The following POGZ variants were observed in gnomAD, a reference collection of about 807,000 sequenced individuals.
The protein encoded by POGZ is pogo transposable element with ZNF domain.
In POGZ, 17 loss-of-function variants were observed where a neutral mutation model predicts 134.6. The observed-to-expected ratio is 0.13, with a 90% CI of 0.09 to 0.19. POGZ has a LOEUF of 0.19. Among genes scored for constraint, POGZ ranks in the 10% least tolerant of loss-of-function variants. The probability of loss-of-function intolerance (pLI) is 1.00; values close to 1 mark genes in which losing one functional copy is unlikely to be tolerated. For missense variants in POGZ, 1,306 were observed against 1,769.7 expected (o/e 0.74, Z 4.70); for synonymous variants, 693 against 657.1 (o/e 1.05, Z -0.84).
chr1:151,410,539 T>C (rs971297126), intron 12 of POGZ, among the ~76,000 whole-genome samples: 24 of 149,456 alleles, frequency 1.6e-4, no homozygotes, highest in African/African-American at 5.9e-4. Flanking sequence ...CTATGGTGGT[T>C]GCTTTATAGA....
intron 10 of POGZ, among the ~76,000 whole-genome samples, chr1:151,416,210 C>CAAAAAAAAAAAAAAAAAAAAAAAA (rs1212371839): frequency 2.3e-5 from 1 of 42,788 alleles, no homozygotes; most frequent in Non-Finnish European, 3.8e-5. Flanking sequence ...AACTCCATCT[C>CAAAAAAAAAAAAAAAAAAAAAAAA]AAAAAAAAAA....
At chr1:151,455,435 G>A (rs1316169284) in intron 1 of POGZ, among the ~76,000 whole-genome samples, 5 of 152,088 alleles carry the variant, frequency 3.3e-5, no homozygotes, top group Non-Finnish European at 7.4e-5. Flanking sequence ...GTTCCCCAAG[G>A]GAGTTAGATT....
At chr1:151,445,539 G>T (rs188890781) in intron 1 of POGZ, among the ~76,000 whole-genome samples, 289 of 137,838 alleles carry the variant, frequency 2.1e-3, no homozygotes, top group African/African-American at 7.4e-3. Flanking sequence ...AAAAAAAAAA[G>T]AAAAAAAGAA....
intron 2 of POGZ, among the ~76,000 whole-genome samples, 168 bp from the exon 3 acceptor site, chr1:151,441,254 C>G (rs1660479713): frequency 6.6e-6 from 1 of 152,186 alleles, no homozygotes; most frequent in Non-Finnish European, 1.5e-5. Flanking sequence ...AACCCTTAGT[C>G]CACCATTTAA....
At chr1:151,448,965 A>T (rs1186962089) in intron 1 of POGZ, among the ~76,000 whole-genome samples, 1 of 152,206 alleles carries the variant, frequency 6.6e-6, no homozygotes, top group Non-Finnish European at 1.5e-5. Flanking sequence ...CGAAATTCTC[A>T]ACTATTCCTA....
chr1:151,405,831 G>C lies in POGZ; in HGVS notation c.3204C>G (p.Ser1068=). 1 of 1,614,134 alleles carries C rather than the reference G, an allele frequency of 6.2e-7. No individual in the cohort carries two copies. The highest frequency in any genetic ancestry group is 8.5e-7 in the Non-Finnish European group (1 of 1,180,012). The change falls in exon 19 of 19, where the codon TCC becomes TCG. Residue 1068 remains serine (S), a synonymous_variant. Coordinates refer to ENST00000271715, the MANE Select transcript of POGZ (RefSeq NM_015100.4). This position sits in a 1 kb window ranked among gnomAD's most constrained non-coding sequence, Gnocchi z 4.9. ...GRSLEGGFKI[S]YEWAVRFMLR... ...GCATGAAACGCACAGCCCACTCATA[G>C]GAGATCTTAAACCCCCCTTCCAAAG...
At chr1:151,448,546 G>A (rs189433907) in intron 1 of POGZ, among the ~76,000 whole-genome samples, 5 of 152,086 alleles carry the variant, frequency 3.3e-5, no homozygotes, top group African/African-American at 1.2e-4. Flanking sequence ...GTTTAATCAA[G>A]CCTTTTAGCA....
intron 2 of POGZ, 67 bp downstream of exon 2, chr1:151,442,012 CTT>C (rs1571538637): frequency 8.3e-7 from 1 of 1,211,408 alleles, no homozygotes; most frequent in African/African-American, 1.5e-5. Flanking sequence ...CCATCTCACA[CTT>C]TGTTAACCAA....
intron 16 of POGZ, 66 bp from the exon 17 acceptor site, chr1:151,407,089 G>A: frequency 1.5e-6 from 2 of 1,351,854 alleles, no homozygotes; most frequent in Non-Finnish European, 2.1e-6. Context: ...ATTAAGCTTT[G>A]AGGCTTAAGA....
At chr1:151,441,273 C>A (rs990855115) in intron 2 of POGZ, among the ~76,000 whole-genome samples, 187 bp from the exon 3 acceptor site, 1 of 152,188 alleles carries the variant, frequency 6.6e-6, no homozygotes, top group Non-Finnish European at 1.5e-5. Flanking sequence ...AAACACAATC[C>A]CTTCTTCGTC....
chr1:151,421,676 A>AC (rs1156985650), intron 10 of POGZ, among the ~76,000 whole-genome samples: 1 of 152,206 alleles, frequency 6.6e-6, no homozygotes. Context: ...ATTGTTGAAA[A>AC]CCAGCAGGGC....
chr1:151,450,355 A>G (rs1571581373), intron 1 of POGZ, among the ~76,000 whole-genome samples: 1 of 151,640 alleles, frequency 6.6e-6, no homozygotes, highest in East Asian at 1.9e-4. Context: ...TTATCTTCAT[A>G]TTCATCTGAC....
chr1:151,457,509 G>C (rs891877442), intron 1 of POGZ, among the ~76,000 whole-genome samples: 4 of 152,346 alleles, frequency 2.6e-5, no homozygotes, highest in Middle Eastern at 3.4e-3. Flanking sequence ...TGTGCTAACA[G>C]TTCGAATTCA....
chr1:151,427,678 C>T (rs1657998988), intron 7 of POGZ, 145 bp downstream of exon 7: 1 of 623,740 alleles, frequency 1.6e-6, no homozygotes, highest in African/African-American at 1.8e-5. Flanking sequence ...GTGGCTTTCT[C>T]CTTACTAAAG....
rs1553212545 is a variant in POGZ at position 151,406,046 on chromosome 1, G to T, written c.2989C>A (p.Arg997=). 1 of 1,614,070 alleles carries T rather than the reference G, an allele frequency of 6.2e-7. No individual in the cohort carries two copies. The highest frequency in any genetic ancestry group is 1.7e-5 in the Admixed American group (1 of 59,992). ...CNTEQAAEHF[R]NPQRRIRRWL... ...CGGCGAATACGTCGCTGGGGATTTC[G>T]GAAGTGTTCAGCTGCCTGTTCTGTA... Residue 997 remains arginine, a synonymous_variant, in exon 19 of 19, where the codon CGA becomes AGA. Transcript: ENST00000271715.
chr1:151,437,748 T>C (rs577144442), intron 3 of POGZ, among the ~76,000 whole-genome samples: 98 of 152,146 alleles, frequency 6.4e-4, no homozygotes, highest in African/African-American at 2.3e-3. Flanking sequence ...TAAGACTCTG[T>C]CTCAAAAAAA....
chr1:151,410,904 A>G (rs982751363), intron 12 of POGZ, among the ~76,000 whole-genome samples: 1 of 152,204 alleles, frequency 6.6e-6, no homozygotes, highest in African/African-American at 2.4e-5. Context: ...TCTACATCAT[A>G]AATATCACAA....
Position 151,424,229 on chromosome 1 carries a change from G to T in POGZ, c.1243C>A (p.Pro415Thr), listed in dbSNP as rs781251319. The T allele has an allele frequency of 1.9e-6, 3 of 1,612,756 alleles. No individual in the cohort carries two copies. In the South Asian group the frequency reaches 3.3e-5, roughly 18 times the overall value. ...GGCTTTGCTGCTGATGGGACACTGGGTTCTGAATCCAGGGACTTTCCTTTC... is the reference window on the plus strand; with the variant it reads ...GGCTTTGCTGCTGATGGGACACTGGTTTCTGAATCCAGGGACTTTCCTTTC... ...QKKGKSLDSE[P>T]SVPSAAKPPS... Residue 415 changes from proline to threonine, a missense_variant, in exon 9 of 19, where the codon CCC (proline) becomes ACC (threonine). Physicochemically the swap from Pro to Thr is conservative, Grantham distance 38. Around this residue, in one of 10 missense-constraint regions of POGZ, gnomAD observed 541 missense variants for 680.5 expected, o/e 0.80. Transcript: ENST00000271715.
chr1:151,403,492 T>C lies in POGZ; in HGVS notation c.*1310A>G. 1 of 985,832 alleles carries C rather than the reference T, an allele frequency of 1.0e-6. No homozygotes were observed. Among genetic ancestry groups the C allele is most frequent in the Non-Finnish European group, 1.2e-6 (1 of 829,930 alleles). The allele number at this position is 985,832 out of a possible 1,614,324, so 61.1% of individuals were successfully genotyped here. On this transcript the variant is annotated 3_prime_UTR_variant, in exon 19 of 19. Transcript: ENST00000271715. ...AAAGCCTCAGGATAAACAGAAGACT[T>C]GGTTTTTTGCTCCTTTTCTCTGTAC...
Sources: gnomAD v4.1 joint callset for allele counts (sites outside exome capture counted in the v4.1 genomes callset) on GRCh38, gnomAD v4.1.1 for gene constraint, gnomAD v4.1.1 regional missense constraint, Gnocchi (gnomAD v3.1) non-coding constraint, MANE v1.5 for transcripts, NCBI Gene and HGNC (gene_info 2026-07-23, HGNC 2026-07-21) for gene names.